SHANK2: variants seen among roughly 807,000 people sequenced by gnomAD.
SHANK2 encodes the protein SH3 and multiple ankyrin repeat domains 2.
SHANK2 carries 43 observed loss-of-function variants against 133.7 expected under a neutral mutation model. The observed-to-expected ratio is 0.32, with a 90% CI of 0.25 to 0.41. The LOEUF (loss-of-function observed/expected upper bound fraction) is 0.41, where lower values mean the gene tolerates loss of function less well. Among genes scored for constraint, SHANK2 ranks in the 10% least tolerant of loss-of-function variants. The pLI is 1.00. For missense variants in SHANK2, 1,994 were observed against 2,235.8 expected (o/e 0.89, Z 2.18); for synonymous variants, 1,017 against 952.8 (o/e 1.07, Z -1.24).
chr11:70,503,612 A>G (rs973045379), intron 17 of SHANK2, among the ~76,000 whole-genome samples: 1 of 152,198 alleles, frequency 6.6e-6, no homozygotes, highest in Non-Finnish European at 1.5e-5. Context: ...CAAGGCTGCC[A>G]TGCTATGGCC....
chr11:70,589,683 A>G (rs1554987551), intron 17 of SHANK2, among the ~76,000 whole-genome samples: 1 of 152,210 alleles, frequency 6.6e-6, no homozygotes, highest in African/African-American at 2.4e-5. Context: ...AACCTTCTGG[A>G]AAGGATTCAC....
chr11:70,662,992 G>A (rs1555013918), intron 15 of SHANK2, among the ~76,000 whole-genome samples: 2 of 152,324 alleles, frequency 1.3e-5, no homozygotes, highest in East Asian at 3.9e-4. Context: ...CCTCTGTGGA[G>A]GGGAGCGGGG....
intron 14 of SHANK2, among the ~76,000 whole-genome samples, chr11:70,703,632 C>T (rs1303408635): frequency 6.6e-6 from 1 of 152,308 alleles, no homozygotes; most frequent in African/African-American, 2.4e-5. Context: ...AAATAAAACA[C>T]CCTGAGGCAG....
intron 17 of SHANK2, among the ~76,000 whole-genome samples, chr11:70,512,859 C>A (rs2135887822): frequency 6.6e-6 from 1 of 152,308 alleles, no homozygotes; most frequent in South Asian, 2.1e-4. Context: ...AGAGTTAGGA[C>A]ATAATTTTTT....
chr11:70,718,377 C>CGGTGGA (rs549627383), intron 14 of SHANK2, among the ~76,000 whole-genome samples: 2 of 152,220 alleles, frequency 1.3e-5, no homozygotes, highest in Non-Finnish European at 2.9e-5. Flanking sequence ...AACTGCGCCT[C>CGGTGGA]GGTGGAGGTG....
rs971675745 is a variant in SHANK2 at position 70,607,385 on chromosome 11, C to T, written c.2061+52443G>A. Among the ~76,000 whole-genome samples the T allele has an allele frequency of 3.3e-5, 5 of 152,184 alleles. No individual in the cohort carries two copies. In the South Asian group the frequency reaches 6.2e-4, roughly 19 times the overall value. ...CCTCTCTCCCTATGTGCCTGCCCCACACCCAGCTCCCCAACCAAGTACATG... is the reference window on the plus strand; with the variant it reads ...CCTCTCTCCCTATGTGCCTGCCCCATACCCAGCTCCCCAACCAAGTACATG... On this transcript the variant is annotated intron_variant, in intron 17 of 25. Coordinates refer to ENST00000601538, the MANE Select transcript of SHANK2 (RefSeq NM_012309.5).
chr11:71,133,854 C>T (rs1483666124), intron 3 of SHANK2, among the ~76,000 whole-genome samples: 3 of 151,740 alleles, frequency 2.0e-5, no homozygotes, highest in Non-Finnish European at 2.9e-5. Context: ...ATTTAGCTAA[C>T]AAGCAACTGG....
Position 70,485,367 on chromosome 11 carries a change from C to A in SHANK2, c.4926G>T (p.Pro1642=). ...QQMNREKLAK[P]GEGLDSPMGA... is the part of the protein sequence containing the mutation. Reference sequence around the variant, plus strand: ...CCATTGGTGAATCCAGTCCTTCCCCCGGCTTTGCCAATTTCTCTCGGTTCA... The same window carrying A: ...CCATTGGTGAATCCAGTCCTTCCCCAGGCTTTGCCAATTTCTCTCGGTTCA... Residue 1642 remains proline, a synonymous_variant, in exon 25 of 26, where the codon CCG becomes CCT. Transcript: ENST00000601538. This position sits in a 1 kb window ranked among gnomAD's most constrained non-coding sequence, Gnocchi z 5.8. The A allele has an allele frequency of 1.2e-6, 2 of 1,614,016 alleles. No individual in the cohort carries two copies. The highest frequency in any genetic ancestry group is 1.1e-5 in the South Asian group (1 of 91,070).
chr11:71,152,485 G>T (rs1952817189), intron 2 of SHANK2, among the ~76,000 whole-genome samples: 2 of 152,202 alleles, frequency 1.3e-5, no homozygotes. Context: ...CCTGAGTCCA[G>T]GAACAAAACC....
At chr11:71,095,143 C>T (rs1443398424) in intron 6 of SHANK2, among the ~76,000 whole-genome samples, 4 of 152,230 alleles carry the variant, frequency 2.6e-5, no homozygotes, top group Admixed American at 2.6e-4. Context: ...CCATGGGCTG[C>T]AGGGACACAA....
chr11:70,693,375 C>T (rs1053045413), intron 15 of SHANK2, among the ~76,000 whole-genome samples: 13 of 152,176 alleles, frequency 8.5e-5, no homozygotes, highest in South Asian at 2.1e-4. Context: ...CCTGCAGTGT[C>T]GAATCTTCTC....
intron 24 of SHANK2, among the ~76,000 whole-genome samples, chr11:70,488,698 A>G (rs916281436): frequency 2.0e-5 from 3 of 152,254 alleles, no homozygotes; most frequent in Admixed American, 6.5e-5. Flanking sequence ...TGGTCCTGCC[A>G]AGACCCTTTG....
chr11:70,891,017 G>A (rs1174233255), intron 11 of SHANK2, among the ~76,000 whole-genome samples: 1 of 151,998 alleles, frequency 6.6e-6, no homozygotes, highest in Non-Finnish European at 1.5e-5. Flanking sequence ...ATAGGTGTTT[G>A]AGCTGGTGAG....
intron 10 of SHANK2, chr11:70,907,580 C>T (rs967137554): frequency 4.4e-5 from 7 of 160,918 alleles, no homozygotes; most frequent in African/African-American, 9.6e-5. Context: ...CTTAAAATAG[C>T]GCCATTCAGT....
chr11:70,581,731 C>T (rs1432650167), intron 17 of SHANK2, among the ~76,000 whole-genome samples: 1 of 152,138 alleles, frequency 6.6e-6, no homozygotes, highest in Non-Finnish European at 1.5e-5. Context: ...TAGCTGAAGG[C>T]AAAGACTGAA....
In SHANK2 at chr11:70,807,495, G is replaced by A. The variant is rs1948188572; in HGVS notation, c.1494-324C>T. 1.3e-5 allele frequency among the ~76,000 whole-genome samples: 2 copies of A among 152,172 alleles called. No individual in the cohort carries two copies. Among genetic ancestry groups the A allele is most frequent in the African/African-American group, 2.4e-5 (1 of 41,450 alleles). The stretch of plus-strand genomic sequence containing the variant: ...CCACAGAATGGAGAGACACAGGGTG[G>A]TCCAAACATACAATGGAACGCTGTT... On this transcript the variant is annotated intron_variant, in intron 12 of 25. Coordinates refer to ENST00000601538, the MANE Select transcript of SHANK2 (RefSeq NM_012309.5). The surrounding 1 kb of genome is among the most constrained non-coding windows in gnomAD (Gnocchi z 4.8).
chr11:71,095,572 G>A (rs550629856), intron 6 of SHANK2, among the ~76,000 whole-genome samples: 4 of 152,264 alleles, frequency 2.6e-5, no homozygotes, highest in Admixed American at 2.0e-4. Flanking sequence ...ACTCGGTCTC[G>A]AAGCACATTC....
chr11:70,808,809 C>G (rs188829394), intron 12 of SHANK2, among the ~76,000 whole-genome samples: 131 of 152,204 alleles, frequency 8.6e-4, no homozygotes, highest in Non-Finnish European at 1.4e-3. Context: ...GGGTGTCCGA[C>G]ACTTCATCCA....
At chr11:71,154,963 G>A (rs1165477800) in intron 2 of SHANK2, among the ~76,000 whole-genome samples, 4 of 81,672 alleles carry the variant, frequency 4.9e-5, no homozygotes, top group African/African-American at 9.8e-5. Flanking sequence ...ACCTACCCCC[G>A]CCCACGCTCC....
Sources: gnomAD v4.1 joint callset for allele counts (sites outside exome capture counted in the v4.1 genomes callset) on GRCh38, gnomAD v4.1.1 for gene constraint, Gnocchi (gnomAD v3.1) non-coding constraint, MANE v1.5 for transcripts, NCBI Gene and HGNC (gene_info 2026-07-23, HGNC 2026-07-21) for gene names.